Variants in CSNK1G3 observed in about 807,000 individuals in gnomAD.
The protein encoded by CSNK1G3 is casein kinase I isoform gamma-3.
A neutral mutation model predicts 64.3 loss-of-function variants in CSNK1G3; 23 were observed. The observed-to-expected ratio is 0.36, with a 90% CI of 0.26 to 0.51. The LOEUF (loss-of-function observed/expected upper bound fraction) is 0.51, where lower values mean the gene tolerates loss of function less well. Among genes scored for constraint, CSNK1G3 ranks in the 20% least tolerant of loss-of-function variants. CSNK1G3 has a pLI of 0.96. For missense variants in CSNK1G3, 357 were observed against 510.5 expected (o/e 0.70, Z 2.90); for synonymous variants, 158 against 162.2 (o/e 0.97, Z 0.20).
At chr5:123,535,069 T>G (rs1385248911) in intron 1 of CSNK1G3, among the ~76,000 whole-genome samples, 1 of 152,106 alleles carries the variant, frequency 6.6e-6, no homozygotes, top group African/African-American at 2.4e-5. Context: ...ATAAGTACGA[T>G]GTAGCGGTAG....
chr5:123,514,958 G>A (rs904090572), intron 1 of CSNK1G3, among the ~76,000 whole-genome samples: 4 of 152,150 alleles, frequency 2.6e-5, no homozygotes, highest in African/African-American at 9.7e-5. Context: ...AATAACGATA[G>A]TAAGTTTAAG....
At chr5:123,529,113 G>GA (rs1273049590) in intron 1 of CSNK1G3, among the ~76,000 whole-genome samples, 1 of 152,168 alleles carries the variant, frequency 6.6e-6, no homozygotes, top group Admixed American at 6.5e-5. Flanking sequence ...AAGCCTTATG[G>GA]AAAAAATTCA....
At chr5:123,596,823 T>C (rs1157765735) in intron 10 of CSNK1G3, among the ~76,000 whole-genome samples, 1 of 152,114 alleles carries the variant, frequency 6.6e-6, no homozygotes, top group Non-Finnish European at 1.5e-5. Context: ...ACTTCATGTA[T>C]TTTGTAATAT....
At chr5:123,542,387 T>A (rs1363497219) in intron 1 of CSNK1G3, among the ~76,000 whole-genome samples, 3 of 152,218 alleles carry the variant, frequency 2.0e-5, no homozygotes, top group African/African-American at 7.2e-5. Flanking sequence ...GCTTTAATAG[T>A]AATTTATCTT....
intron 6 of CSNK1G3, among the ~76,000 whole-genome samples, chr5:123,584,913 G>C (rs1791022803): frequency 6.6e-6 from 1 of 152,054 alleles, no homozygotes. Context: ...GATCTGTTCT[G>C]ATGCCTCTTC....
intron 4 of CSNK1G3, among the ~76,000 whole-genome samples, chr5:123,563,456 A>G (rs752471257): frequency 6.6e-6 from 1 of 151,970 alleles, no homozygotes; most frequent in Non-Finnish European, 1.5e-5. Context: ...GTGCCTTGTT[A>G]AAAAGTCTGG....
intron 2 of CSNK1G3, among the ~76,000 whole-genome samples, chr5:123,552,588 G>T (rs545239786): frequency 6.6e-6 from 1 of 152,066 alleles, no homozygotes; most frequent in African/African-American, 2.4e-5. Flanking sequence ...CCTCAAAGTG[G>T]TTAGTTTATC....
intron 10 of CSNK1G3, among the ~76,000 whole-genome samples, chr5:123,599,486 G>A (rs938377131): frequency 1.3e-5 from 2 of 152,142 alleles, no homozygotes; most frequent in African/African-American, 4.8e-5. Flanking sequence ...GGTGATAACT[G>A]AAAAGGATTA....
intron 1 of CSNK1G3, among the ~76,000 whole-genome samples, chr5:123,535,135 G>C (rs1780580698): frequency 6.6e-6 from 1 of 152,112 alleles, no homozygotes; most frequent in Non-Finnish European, 1.5e-5. Context: ...ATGATTCTCT[G>C]AGCAGCAGTG....
intron 1 of CSNK1G3, among the ~76,000 whole-genome samples, chr5:123,523,988 C>T (rs532460523): frequency 1.1e-4 from 17 of 152,310 alleles, no homozygotes; most frequent in African/African-American, 3.8e-4. Context: ...AATCTCTAGA[C>T]ATTCTGAATT....
At chr5:123,606,565 C>T (rs1795403856) in intron 12 of CSNK1G3, among the ~76,000 whole-genome samples, 1 of 152,060 alleles carries the variant, frequency 6.6e-6, no homozygotes, top group Non-Finnish European at 1.5e-5. Context: ...TGTGATAAAG[C>T]CCTGGTATTT....
At chr5:123,517,271 T>G (rs1451645558) in intron 1 of CSNK1G3, among the ~76,000 whole-genome samples, 1 of 152,194 alleles carries the variant, frequency 6.6e-6, no homozygotes, top group Non-Finnish European at 1.5e-5. Flanking sequence ...AGTAGACTAT[T>G]CTTTAGTTTT....
intron 8 of CSNK1G3, among the ~76,000 whole-genome samples, chr5:123,589,296 C>T (rs951910635): frequency 3.9e-5 from 6 of 152,082 alleles, no homozygotes; most frequent in African/African-American, 1.4e-4. Context: ...TATTCATTGA[C>T]AGCAAACTTT....
chr5:123,592,892 A>G (rs369315534), intron 10 of CSNK1G3, among the ~76,000 whole-genome samples: 1 of 152,048 alleles, frequency 6.6e-6, no homozygotes, highest in South Asian at 2.1e-4. Flanking sequence ...AAGATTCTGT[A>G]TAAAGAAAGA....
chr5:123,545,740 C>G, exon 2 of CSNK1G3: 1 of 1,613,556 alleles, frequency 6.2e-7, no homozygotes, highest in Non-Finnish European at 8.5e-7. Flanking sequence ...GGACACAACA[C>G]TCGAGGAACT....
chr5:123,573,660 A>T, intron 5 of CSNK1G3, 119 bp downstream of exon 5: 1 of 746,216 alleles, frequency 1.3e-6, no homozygotes, highest in South Asian at 2.6e-5. Context: ...CGTAATACAA[A>T]TGTTTCTACT....
chr5:123,549,014 A>G lies in CSNK1G3; in HGVS notation c.178+3173A>G, dbSNP rs542175998. On this transcript the variant is annotated intron_variant, in intron 2 of 12. Transcript: ENST00000345990. ...CTGCCCAGCATAGAGAGATAGTATC[A>G]TACTTCATATTGCTAGTCCAGGAAA... is the stretch of plus-strand genomic sequence containing the variant. Among the ~76,000 whole-genome samples, 68 of 152,366 alleles carry G rather than the reference A, an allele frequency of 4.5e-4. No individual in the cohort carries two copies. The South Asian group carries it at 6.2e-3, about 14-fold the overall frequency.
intron 2 of CSNK1G3, 132 bp from the exon 3 acceptor site, chr5:123,552,975 T>G: frequency 2.1e-6 from 1 of 480,606 alleles, no homozygotes; most frequent in Non-Finnish European, 3.8e-6. Flanking sequence ...TTGTTAAGTT[T>G]TTTTGCCAAA....
intron 8 of CSNK1G3, 75 bp downstream of exon 8, chr5:123,588,586 C>A: frequency 3.2e-6 from 3 of 943,928 alleles, no homozygotes; most frequent in East Asian, 2.6e-5. Flanking sequence ...TAAGTTTATA[C>A]ATATTTTTTT....
Sources: gnomAD v4.1 joint callset for allele counts (sites outside exome capture counted in the v4.1 genomes callset) on GRCh38, gnomAD v4.1.1 for gene constraint, MANE v1.5 for transcripts, NCBI Gene and HGNC (gene_info 2026-07-23, HGNC 2026-07-21) for gene names.